Variants in MAF observed in about 807,000 individuals in gnomAD.
MAF encodes transcription factor Maf.
In MAF, 10 loss-of-function variants were observed where a neutral mutation model predicts 22.0. That is an observed-to-expected ratio of 0.45 (90% CI 0.28 to 0.77). The LOEUF (loss-of-function observed/expected upper bound fraction) is 0.77. Ranked by LOEUF, MAF falls within the 30% of genes least tolerant of loss-of-function variation. MAF has a pLI of 0.12. For missense variants in MAF, 544 were observed against 548.4 expected, an observed-to-expected ratio of 0.99 and a Z score of 0.08; for synonymous variants, 337 against 255.8, an observed-to-expected ratio of 1.32 and a Z score of -3.03.
the MAF span, among the ~76,000 whole-genome samples, chr16:79,507,112 G>A: frequency 2.7e-4 from 30 of 111,928 alleles, no homozygotes; most frequent in Admixed American, 2.4e-3. Flanking sequence ...ACTTTTCTGC[G>A]TCTTTTTTTT....
chr16:79,474,445 G>A, the MAF span, among the ~76,000 whole-genome samples: 37 of 152,314 alleles, frequency 2.4e-4, no homozygotes, highest in Admixed American at 2.3e-3. Flanking sequence ...AGACAGACAA[G>A]CCAGCAAGGG....
chr16:79,346,312 T>G, the MAF span, among the ~76,000 whole-genome samples: 1 of 152,084 alleles, frequency 6.6e-6, no homozygotes, highest in African/African-American at 2.4e-5. Context: ...TTGCTGAGAA[T>G]GATGGTTTCC....
the MAF span, among the ~76,000 whole-genome samples, chr16:79,327,732 T>C: frequency 6.6e-6 from 1 of 152,216 alleles, no homozygotes; most frequent in East Asian, 1.9e-4. Flanking sequence ...GTGCCACAAG[T>C]GCTGACCGCT....
the MAF span, among the ~76,000 whole-genome samples, chr16:79,384,192 T>C: frequency 6.6e-6 from 1 of 152,036 alleles, no homozygotes; most frequent in Non-Finnish European, 1.5e-5. Flanking sequence ...GCTTGTAATC[T>C]TACCACTTTG....
At chr16:79,294,463 C>A in the MAF span, among the ~76,000 whole-genome samples, 1 of 152,170 alleles carries the variant, frequency 6.6e-6, no homozygotes, top group African/African-American at 2.4e-5. Flanking sequence ...CTGTCTCCAA[C>A]TGACAAGGTG....
the MAF span, among the ~76,000 whole-genome samples, chr16:79,380,909 G>T: frequency 6.6e-6 from 1 of 152,322 alleles, no homozygotes; most frequent in Middle Eastern, 3.4e-3. Flanking sequence ...ATGGCCAGGG[G>T]TAGCCTTCAG....
chr16:79,575,967 T>C, the MAF span, among the ~76,000 whole-genome samples: 1 of 151,538 alleles, frequency 6.6e-6, no homozygotes, highest in Non-Finnish European at 1.5e-5. Flanking sequence ...TAAACCGGGG[T>C]CCTGAAATCC....
the MAF span, among the ~76,000 whole-genome samples, chr16:79,405,449 C>T: frequency 2.0e-5 from 3 of 152,200 alleles, no homozygotes; most frequent in Non-Finnish European, 4.4e-5. Flanking sequence ...AAGTAATTTA[C>T]CATCTGAGGT....
the MAF span, among the ~76,000 whole-genome samples, chr16:79,466,431 G>A: frequency 3.9e-5 from 6 of 152,200 alleles, no homozygotes; most frequent in African/African-American, 1.2e-4. Context: ...GCTTTGTGTT[G>A]AAACGAGCAA....
rs1913898980 is a variant in MAF at position 79,599,888 on chromosome 16, C to T, written c.15G>A (p.Leu5=). 1.9e-6 allele frequency: 3 copies of T among 1,600,248 alleles called. No individual in the cohort carries two copies. In the African/African-American group the frequency reaches 4.1e-5, roughly 22 times the overall value. The change falls in exon 1 of 2, where the codon CTG becomes CTA. Residue 5 remains leucine (L), a synonymous_variant. Coordinates refer to ENST00000326043, the MANE Select transcript of MAF (RefSeq NM_005360.5). MASE[L]AMSNSDLPTS... is the part of the protein sequence containing the mutation. Reference sequence around the variant, plus strand: ...TGGGCAGGTCGGAGTTGCTCATTGCCAGTTCTGATGCCATTCTCCTGCCGC... The same window carrying T: ...TGGGCAGGTCGGAGTTGCTCATTGCTAGTTCTGATGCCATTCTCCTGCCGC...
chr16:79,529,594 G>A, the MAF span, among the ~76,000 whole-genome samples: 15 of 152,198 alleles, frequency 9.9e-5, no homozygotes, highest in Admixed American at 3.9e-4. Flanking sequence ...TTATGGATAC[G>A]TGTCAGCAGG....
chr16:79,480,957 C>T, the MAF span, among the ~76,000 whole-genome samples: 6 of 152,146 alleles, frequency 3.9e-5, no homozygotes, highest in African/African-American at 7.2e-5. Context: ...TGCTCTGTGA[C>T]ACCATCAAAA....
the MAF span, among the ~76,000 whole-genome samples, chr16:79,247,280 G>A: frequency 0.12 from 18,364 of 151,428 alleles, 1,374 homozygotes; most frequent in Middle Eastern, 0.2. Context: ...AAGAAGAAAA[G>A]GCATCTTGAA....
chr16:79,413,210 G>GTTGTTT, the MAF span, among the ~76,000 whole-genome samples: 14 of 63,642 alleles, frequency 2.2e-4, no homozygotes, highest in Non-Finnish European at 3.0e-4. Context: ...GAGCTGTGCA[G>GTTGTTT]TTTTTTTTTT....
the MAF span, among the ~76,000 whole-genome samples, chr16:79,258,605 C>T: frequency 6.6e-6 from 1 of 152,238 alleles, no homozygotes; most frequent in African/African-American, 2.4e-5. Context: ...ATCCCACTCT[C>T]CTCCAGGTTG....
chr16:79,542,200 C>G, the MAF span, among the ~76,000 whole-genome samples: 1 of 152,042 alleles, frequency 6.6e-6, no homozygotes, highest in Non-Finnish European at 1.5e-5. Context: ...AAGAGGGGAG[C>G]GAATGGGAAC....
chr16:79,252,319 T>C, the MAF span, among the ~76,000 whole-genome samples: 6 of 152,238 alleles, frequency 3.9e-5, no homozygotes, highest in Non-Finnish European at 8.8e-5. Context: ...TATTTATTTA[T>C]AGACACAAAT....
the MAF span, among the ~76,000 whole-genome samples, chr16:79,365,733 C>T: frequency 6.6e-6 from 1 of 151,816 alleles, no homozygotes; most frequent in Non-Finnish European, 1.5e-5. Context: ...CAAGACCATG[C>T]CACAAATATC....
the MAF span, chr16:79,203,800 T>C: frequency 6.6e-6 from 1 of 152,332 alleles, no homozygotes; most frequent in South Asian, 2.1e-4. Context: ...TGCCTGGCAA[T>C]AATTTCAAAG....
Sources: gnomAD v4.1 joint callset for allele counts (sites outside exome capture counted in the v4.1 genomes callset) on GRCh38, gnomAD v4.1.1 for gene constraint, MANE v1.5 for transcripts, NCBI Gene and HGNC (gene_info 2026-07-23, HGNC 2026-07-21) for gene names.